SGCZ: variants seen among roughly 807,000 people sequenced by gnomAD.
The protein encoded by SGCZ is zeta-sarcoglycan.
A neutral mutation model predicts 41.3 loss-of-function variants in SGCZ; 40 were observed. That is an observed-to-expected ratio of 0.97 (90% CI 0.75 to 1.26). SGCZ has a LOEUF of 1.26. SGCZ is among the 50% of genes most tolerant of loss of function. The pLI is 0.00. For synonymous variants in SGCZ, 206 were observed against 137.5 expected, an observed-to-expected ratio of 1.50 and a Z score of -3.49; for missense variants, 552 against 369.8, an observed-to-expected ratio of 1.49 and a Z score of -4.04.
intron 2 of SGCZ, among the ~76,000 whole-genome samples, chr8:14,492,740 C>T (rs1004515365): frequency 6.6e-6 from 1 of 152,140 alleles, no homozygotes; most frequent in South Asian, 2.1e-4. Flanking sequence ...TGGAAAAGTT[C>T]CATTTCGTGA....
chr8:14,804,546 AT>A (rs1801457131), intron 1 of SGCZ, among the ~76,000 whole-genome samples: 1 of 136,310 alleles, frequency 7.3e-6, no homozygotes, highest in South Asian at 2.7e-4. Flanking sequence ...ATAAAAAGAA[AT>A]GAGCAAAGCC....
At chr8:14,418,166 T>A (rs1232266796) in intron 2 of SGCZ, among the ~76,000 whole-genome samples, 1 of 151,896 alleles carries the variant, frequency 6.6e-6, no homozygotes, top group African/African-American at 2.4e-5. Context: ...AAATTTTACA[T>A]ATTAAGAAAA....
chr8:14,488,820 G>C (rs907006893), intron 2 of SGCZ, among the ~76,000 whole-genome samples: 4 of 152,032 alleles, frequency 2.6e-5, no homozygotes, highest in African/African-American at 4.8e-5. Context: ...TTTTGCAATA[G>C]TCTTAAATAA....
At position 14,088,920 on chromosome 8, in the gene SGCZ, G is replaced by T. The variant is rs908712141; in HGVS notation, c.*1523C>A. Among the ~76,000 whole-genome samples the T allele has an allele frequency of 6.6e-6, 1 of 151,832 alleles. No homozygotes were observed. Among genetic ancestry groups the T allele is most frequent in the Non-Finnish European group, 1.5e-5 (1 of 67,904 alleles). On this transcript the variant is annotated 3_prime_UTR_variant, in exon 8 of 8. Coordinates refer to ENST00000382080, the MANE Select transcript of SGCZ (RefSeq NM_139167.4). ...ACTCTACAGCCATTAATCCCCAAAAGGAAGTTTCAACACAAATGTTGATAG... is the reference window on the plus strand; with the variant it reads ...ACTCTACAGCCATTAATCCCCAAAATGAAGTTTCAACACAAATGTTGATAG...
At chr8:15,035,363 A>T (rs1803836718) in intron 1 of SGCZ, among the ~76,000 whole-genome samples, 1 of 152,166 alleles carries the variant, frequency 6.6e-6, no homozygotes, top group Non-Finnish European at 1.5e-5. Flanking sequence ...AAATATAAAA[A>T]GTAAAGTATC....
chr8:14,112,413 C>T (rs926693332), intron 5 of SGCZ, among the ~76,000 whole-genome samples: 2 of 151,934 alleles, frequency 1.3e-5, no homozygotes, highest in African/African-American at 2.4e-5. Flanking sequence ...CCTCCCAGCC[C>T]TATGGCACTT....
At chr8:14,928,318 G>A (rs1799822669) in intron 1 of SGCZ, among the ~76,000 whole-genome samples, 1 of 152,092 alleles carries the variant, frequency 6.6e-6, no homozygotes, top group Non-Finnish European at 1.5e-5. Flanking sequence ...CGTCAAATAT[G>A]CTAGCCTTTT....
At chr8:14,438,279 A>G (rs1402084308) in intron 2 of SGCZ, among the ~76,000 whole-genome samples, 3 of 152,052 alleles carry the variant, frequency 2.0e-5, no homozygotes, top group Non-Finnish European at 4.4e-5. Flanking sequence ...TTATATATTC[A>G]TAATTTTAGA....
At chr8:14,225,548 T>C (rs1806343277) in intron 4 of SGCZ, among the ~76,000 whole-genome samples, 2 of 152,052 alleles carry the variant, frequency 1.3e-5, no homozygotes, top group South Asian at 4.1e-4. Flanking sequence ...AAAATAATAA[T>C]ACTAATTGGT....
intron 1 of SGCZ, among the ~76,000 whole-genome samples, chr8:14,689,118 C>G (rs1367903341): frequency 6.6e-6 from 1 of 151,996 alleles, no homozygotes; most frequent in Non-Finnish European, 1.5e-5. Context: ...TTTGACTACT[C>G]TTGAGTAGCT....
In SGCZ at chr8:14,198,047, A is replaced by G. The variant is rs191631092; in HGVS notation, c.425-33345T>C. ...TTAAACTTAATATTTTTATAGCACAATAATACATTATAGCAGTCCTCACTT... is the reference window on the plus strand; with the variant it reads ...TTAAACTTAATATTTTTATAGCACAGTAATACATTATAGCAGTCCTCACTT... On this transcript the variant is annotated intron_variant, in intron 4 of 7. Coordinates refer to ENST00000382080, the MANE Select transcript of SGCZ (RefSeq NM_139167.4). 3.3e-5 allele frequency among the ~76,000 whole-genome samples: 5 copies of G among 152,338 alleles called. No homozygotes were observed. In the East Asian group the frequency reaches 9.6e-4, roughly 29 times the overall value.
intron 7 of SGCZ, among the ~76,000 whole-genome samples, chr8:14,095,575 T>C (rs572828858): frequency 6.6e-6 from 1 of 152,330 alleles, no homozygotes; most frequent in South Asian, 2.1e-4. Context: ...AGGATTGTCT[T>C]GGCTATGCAG....
chr8:14,908,605 C>A (rs895913738), intron 1 of SGCZ, among the ~76,000 whole-genome samples: 1 of 151,840 alleles, frequency 6.6e-6, no homozygotes, highest in African/African-American at 2.4e-5. Context: ...CAAAAATTAG[C>A]CGGGCGTGGT....
intron 1 of SGCZ, among the ~76,000 whole-genome samples, chr8:14,815,523 A>C (rs532191270): frequency 6.6e-6 from 1 of 152,282 alleles, no homozygotes; most frequent in South Asian, 2.1e-4. Flanking sequence ...TCCAGGAATA[A>C]ATCACTATGA....
chr8:14,573,635 T>C (rs1324703759), intron 1 of SGCZ, among the ~76,000 whole-genome samples: 4 of 152,222 alleles, frequency 2.6e-5, no homozygotes, highest in African/African-American at 9.6e-5. Flanking sequence ...TATTTATCTT[T>C]TCTGTTCTCT....
intron 1 of SGCZ, among the ~76,000 whole-genome samples, chr8:15,153,042 G>A (rs374779205): frequency 7.9e-5 from 12 of 152,246 alleles, no homozygotes; most frequent in African/African-American, 1.9e-4. Context: ...CTCAATGGCC[G>A]TCAATAACTT....
chr8:14,399,349 G>A (rs1355501230), intron 2 of SGCZ, among the ~76,000 whole-genome samples: 2 of 152,060 alleles, frequency 1.3e-5, no homozygotes, highest in Non-Finnish European at 2.9e-5. Flanking sequence ...AGTAGAATCT[G>A]ACAGGCCTGG....
intron 3 of SGCZ, among the ~76,000 whole-genome samples, chr8:14,315,201 G>A (rs1010320487): frequency 6.6e-6 from 1 of 152,044 alleles, no homozygotes. Flanking sequence ...TCTGCAAAAT[G>A]GGAATAAAAT....
chr8:14,225,114 T>A lies in SGCZ; in HGVS notation c.424+12478A>T, dbSNP rs192608310. 7.6e-4 allele frequency among the ~76,000 whole-genome samples: 115 copies of A among 152,296 alleles called. 2 individuals are homozygous for A. Among genetic ancestry groups the A allele is most frequent in the Admixed American group, 6.5e-3 (100 of 15,292 alleles). On this transcript the variant is annotated intron_variant, in intron 4 of 7. Transcript: ENST00000382080. ...TCAATGGAGTATATGTAGTTTGTAC[T>A]AGTTTTACGTTACTTGCATTCATCT... is the stretch of plus-strand genomic sequence containing the variant.
Sources: allele counts gnomAD v4.1 joint callset (sites outside exome capture counted in the v4.1 genomes callset), GRCh38; gene constraint gnomAD v4.1.1; transcripts MANE v1.5; gene names NCBI Gene and HGNC (gene_info 2026-07-23, HGNC 2026-07-21).